The following PUDP variants were observed in gnomAD, a reference collection of about 807,000 sequenced individuals.
The protein encoded by PUDP is pseudouridine 5'-phosphatase, also known as pseudouridine-5'-phosphatase.
Under a neutral mutation model 9.4 loss-of-function variants are expected in PUDP, and 8 were observed. The ratio of observed to expected loss-of-function variants is 0.85; its 90% confidence interval spans 0.50 to 1.53. The LOEUF is 1.53. PUDP is among the 40% of genes most tolerant of loss of function. PUDP has a pLI of 0.00. For missense variants in PUDP, 188 were observed against 189.7 expected (o/e 0.99, Z 0.05); for synonymous variants, 99 against 80.7 (o/e 1.23, Z -1.22).
Position 7,108,156 on chromosome X carries a change from T to C in PUDP, c.62-2318A>G, listed in dbSNP as rs149903941. Among the ~76,000 whole-genome samples the C allele has an allele frequency of 1.4e-3, 155 of 112,795 alleles. 2 individuals are homozygous for C. The highest frequency in any genetic ancestry group is 1.5e-3 in the Non-Finnish European group (81 of 53,265). ...GTTTTCCGTGTGGCCCTGTATCATG[T>C]TCCTTCAGCAGCATCCAAACTGCAT... is the stretch of plus-strand genomic sequence containing the variant. On this transcript the variant is annotated intron_variant, in intron 1 of 3. Transcript: ENST00000381077.
chrX:6,755,848 G>A (rs1369794200), intron 3 of PUDP, among the ~76,000 whole-genome samples: 1 of 109,706 alleles, frequency 9.1e-6, no homozygotes, highest in Non-Finnish European at 1.9e-5. Flanking sequence ...GGTAACACGA[G>A]AGAGGCATCC....
At chrX:7,128,643 A>G (rs1252450752) in intron 1 of PUDP, among the ~76,000 whole-genome samples, 2 of 111,702 alleles carry the variant, frequency 1.8e-5, no homozygotes, top group Non-Finnish European at 3.8e-5. Context: ...CCCATAAGAA[A>G]TAAGAGATGG....
At chrX:7,038,767 A>G (rs1929884463) in intron 1 of PUDP, among the ~76,000 whole-genome samples, 1 of 112,049 alleles carries the variant, frequency 8.9e-6, no homozygotes, top group African/African-American at 3.2e-5. Context: ...AAAGGAAATT[A>G]TAGGAAAAAA....
At chrX:7,117,830 A>G (rs1414930299) in intron 1 of PUDP, among the ~76,000 whole-genome samples, 1 of 113,046 alleles carries the variant, frequency 8.8e-6, no homozygotes, top group East Asian at 2.8e-4. Flanking sequence ...CTAGAAGAGA[A>G]GGGTGGTTTC....
chrX:6,713,049 A>T (rs752896727), intron 1 of PUDP, among the ~76,000 whole-genome samples: 1 of 111,577 alleles, frequency 9.0e-6, no homozygotes, highest in East Asian at 2.8e-4. Context: ...TGTCTCAAAA[A>T]AACAAACAAA....
chrX:7,109,403 CAG>C (rs1195757973), intron 1 of PUDP, among the ~76,000 whole-genome samples: 1 of 112,184 alleles, frequency 8.9e-6, no homozygotes, highest in African/African-American at 3.2e-5. Flanking sequence ...AGGAACAGAA[CAG>C]AGGGCAGGCA....
intron 3 of PUDP, among the ~76,000 whole-genome samples, chrX:6,728,195 T>C (rs1924765366): frequency 9.0e-6 from 1 of 110,858 alleles, no homozygotes; most frequent in South Asian, 3.9e-4. Flanking sequence ...ACTTATTCAC[T>C]ACCACAAGAA....
In PUDP at chrX:7,049,610, A is replaced by G. The variant is rs1420117410; in HGVS notation, c.*686T>C. On this transcript the variant is annotated 3_prime_UTR_variant, in exon 4 of 4. Transcript: ENST00000381077. The stretch of plus-strand genomic sequence containing the variant: ...CCAGAGACATTCTGAGGTCACAAAA[A>G]GAATTTAAATGTTAGCTAACAAGGA... 8.9e-6 allele frequency: 1 copy of G among 112,247 alleles called. No homozygotes were observed. The highest frequency in any genetic ancestry group is 1.9e-5 in the Non-Finnish European group (1 of 53,254). The allele number at this position is 112,247 out of a possible 1,213,427, so 9.3% of individuals were successfully genotyped here.
chrX:7,013,903 T>C (rs1421318515), intron 1 of PUDP, among the ~76,000 whole-genome samples: 1 of 111,949 alleles, frequency 8.9e-6, no homozygotes, highest in Non-Finnish European at 1.9e-5. Flanking sequence ...GTGTGACAGC[T>C]TTCTGTATTC....
chrX:6,939,486 T>C (rs1308423886), intron 3 of PUDP, among the ~76,000 whole-genome samples: 1 of 109,232 alleles, frequency 9.2e-6, no homozygotes, highest in Non-Finnish European at 1.9e-5. Context: ...AAATAATCTA[T>C]TATTTTAATA....
chrX:6,750,928 A>C (rs1407575043), intron 3 of PUDP, among the ~76,000 whole-genome samples: 1 of 111,233 alleles, frequency 9.0e-6, no homozygotes, highest in Non-Finnish European at 1.9e-5. Context: ...TCACAAGGTC[A>C]GGAGATGGAG....
At chrX:6,886,569 T>G (rs762570279) in intron 3 of PUDP, among the ~76,000 whole-genome samples, 1 of 111,663 alleles carries the variant, frequency 9.0e-6, no homozygotes, top group African/African-American at 3.2e-5. Context: ...TGGATTCTAG[T>G]TTTTTAACTC....
At chrX:6,980,664 A>G (rs1001641878) in intron 1 of PUDP, among the ~76,000 whole-genome samples, 27 of 110,075 alleles carry the variant, frequency 2.5e-4, no homozygotes, top group African/African-American at 9.0e-4. Flanking sequence ...ATGGATGAAA[A>G]TTAAAAAAAA....
intron 3 of PUDP, among the ~76,000 whole-genome samples, chrX:6,915,059 C>T (rs1418981311): frequency 8.9e-6 from 1 of 111,900 alleles, no homozygotes; most frequent in African/African-American, 3.2e-5. Context: ...CAAACAAACC[C>T]CTTTAACTAT....
chrX:6,722,153 A>T (rs1034957018), upstream of PUDP, among the ~76,000 whole-genome samples: 1 of 111,373 alleles, frequency 9.0e-6, no homozygotes, highest in African/African-American at 3.3e-5. Context: ...TGGATTAAAA[A>T]TCTAAATTTG....
At chrX:7,057,342 G>A (rs1254174612) in intron 3 of PUDP, among the ~76,000 whole-genome samples, 1 of 110,576 alleles carries the variant, frequency 9.0e-6, no homozygotes, top group Non-Finnish European at 1.9e-5. Flanking sequence ...GCCAGGCGGT[G>A]TGAGATCAGG....
intron 3 of PUDP, among the ~76,000 whole-genome samples, chrX:6,792,782 G>C (rs919733300): frequency 8.9e-6 from 1 of 112,791 alleles, no homozygotes; most frequent in East Asian, 2.8e-4. Context: ...AAACAGATCT[G>C]TCTGATTTTT....
intron 3 of PUDP, among the ~76,000 whole-genome samples, chrX:6,916,906 A>G (rs1171136214): frequency 8.9e-6 from 1 of 112,345 alleles, no homozygotes; most frequent in African/African-American, 3.2e-5. Flanking sequence ...TAGTAAAACA[A>G]GGTTTCAATT....
chrX:7,036,130 A>G (rs1372448994), intron 1 of PUDP, among the ~76,000 whole-genome samples: 1 of 112,054 alleles, frequency 8.9e-6, no homozygotes, highest in African/African-American at 3.2e-5. Context: ...ATCATAAGCC[A>G]AATCATCCCT....
Sources: gnomAD v4.1 joint callset for allele counts (sites outside exome capture counted in the v4.1 genomes callset) on GRCh38, gnomAD v4.1.1 for gene constraint, MANE v1.5 for transcripts, NCBI Gene and HGNC (gene_info 2026-07-23, HGNC 2026-07-21) for gene names.